Variants in TMC2 observed in about 807,000 individuals in gnomAD.
The protein encoded by TMC2 is transmembrane channel-like protein 2.
TMC2 carries 102 observed loss-of-function variants against 105.9 expected under a neutral mutation model. The observed-to-expected ratio is 0.96, with a 90% CI of 0.82 to 1.14. The LOEUF (loss-of-function observed/expected upper bound fraction) is 1.14, where lower values mean the gene tolerates loss of function less well. Among genes scored for constraint, TMC2 ranks in the 50% most tolerant of loss-of-function variants. TMC2 has a pLI of 0.00. For missense variants in TMC2, 1,093 were observed against 1,134.3 expected (o/e 0.96, Z 0.52); for synonymous variants, 402 against 422.8 (o/e 0.95, Z 0.60).
intron 19 of TMC2, among the ~76,000 whole-genome samples, chr20:2,638,245 G>A (rs899463487): frequency 6.6e-6 from 1 of 151,912 alleles, no homozygotes; most frequent in East Asian, 1.9e-4. Flanking sequence ...GGAGGCTGAG[G>A]CAGGAGAATG....
chr20:2,585,809 A>G (rs945290615), intron 7 of TMC2, among the ~76,000 whole-genome samples: 1 of 152,224 alleles, frequency 6.6e-6, no homozygotes, highest in Non-Finnish European at 1.5e-5. Context: ...TTCTCCCAGA[A>G]GGAGAGAATC....
At chr20:2,612,059 AAG>A in intron 12 of TMC2, 130 bp from the exon 13 acceptor site, 1 of 847,998 alleles carries the variant, frequency 1.2e-6, no homozygotes, top group Non-Finnish European at 1.7e-6. Context: ...GGAATTTTGG[AAG>A]GACTCTGTCC....
At chr20:2,605,556 G>A (rs1249919208) in intron 11 of TMC2, among the ~76,000 whole-genome samples, 1 of 152,110 alleles carries the variant, frequency 6.6e-6, no homozygotes, top group African/African-American at 2.4e-5. Context: ...CCACCCTTGT[G>A]ACCTCACTTA....
rs569415818 is a variant in TMC2 at position 2,606,767 on chromosome 20, T to G, written c.1414-3652T>G. ...AATCCTATTAACTTCTTTCTTCATA[T>G]ATTTTTTATTTTTAAAACTTTCCCC... On this transcript the variant is annotated intron_variant, in intron 11 of 19. Transcript: ENST00000358864. 3.3e-5 allele frequency among the ~76,000 whole-genome samples: 5 copies of G among 151,814 alleles called. No individual in the cohort carries two copies. The South Asian group carries it at 1.0e-3, about 31-fold the overall frequency.
Position 2,579,381 on chromosome 20 carries a change from ATTT to A in TMC2, c.727+158_727+160del, listed in dbSNP as rs763353264. On this transcript the variant is annotated intron_variant, in intron 6 of 19. Coordinates refer to ENST00000358864, the MANE Select transcript of TMC2 (RefSeq NM_080751.3). ...TTTTGAACTTGTCAGGCCAAGATTTATTTTTTATTTATTTATTTATTTATTTAT... is the reference window on the plus strand; with the variant it reads ...TTTTGAACTTGTCAGGCCAAGATTTATTTATTTATTTATTTATTTATTTAT... 4.7e-3 allele frequency among the ~76,000 whole-genome samples: 689 copies of A among 147,984 alleles called. 4 individuals carry two copies. The highest frequency in any genetic ancestry group is 0.015 in the African/African-American group (590 of 40,134).
intron 16 of TMC2, among the ~76,000 whole-genome samples, chr20:2,621,900 A>C (rs1050142097): frequency 1.2e-4 from 19 of 152,222 alleles, no homozygotes; most frequent in Admixed American, 1.2e-3. Context: ...CAGCGTGACA[A>C]ACAGCAGGCA....
intron 4 of TMC2, 61 bp downstream of exon 4, chr20:2,562,071 G>T: frequency 6.4e-7 from 1 of 1,550,828 alleles, no homozygotes; most frequent in South Asian, 1.2e-5. Flanking sequence ...TGATGGGAAT[G>T]GGAGCCCTCC....
intron 4 of TMC2, among the ~76,000 whole-genome samples, chr20:2,564,275 C>T (rs961027739): frequency 2.0e-5 from 3 of 151,352 alleles, no homozygotes; most frequent in Admixed American, 1.3e-4. Context: ...CTCAGCCTGC[C>T]GAGTAGCTGG....
At chr20:2,588,021 C>CA (rs1491463671) in intron 7 of TMC2, among the ~76,000 whole-genome samples, 1 of 151,496 alleles carries the variant, frequency 6.6e-6, no homozygotes, top group African/African-American at 2.4e-5. Context: ...ATCCCCCCCC[C>CA]CTTTGAGTAT....
chr20:2,608,133 A>AG (rs2086407367), intron 11 of TMC2, among the ~76,000 whole-genome samples: 1 of 147,744 alleles, frequency 6.8e-6, no homozygotes. Context: ...AAAAAAAAAA[A>AG]AAAGAAAAAA....
chr20:2,635,799 G>T, intron 17 of TMC2, 127 bp from the exon 18 acceptor site: 1 of 730,078 alleles, frequency 1.4e-6, no homozygotes, highest in Non-Finnish European at 2.4e-6. Context: ...AAAGAAGATG[G>T]TAGGACACCC....
chr20:2,605,074 G>A (rs547283387), intron 11 of TMC2, among the ~76,000 whole-genome samples: 1 of 152,206 alleles, frequency 6.6e-6, no homozygotes, highest in Non-Finnish European at 1.5e-5. Flanking sequence ...CAAAGTGGGG[G>A]CAGGCTTGTG....
At chr20:2,597,498 T>G (rs2086317423) in intron 10 of TMC2, among the ~76,000 whole-genome samples, 200 bp downstream of exon 10, 1 of 152,170 alleles carries the variant, frequency 6.6e-6, no homozygotes, top group African/African-American at 2.4e-5. Flanking sequence ...TCTTTTCTTT[T>G]CTTTTTGAGA....
intron 4 of TMC2, among the ~76,000 whole-genome samples, chr20:2,570,886 A>G (rs1199558030): frequency 6.6e-6 from 1 of 152,186 alleles, no homozygotes; most frequent in African/African-American, 2.4e-5. Context: ...ATCAACAAAA[A>G]ACAAGCAATG....
chr20:2,567,024 C>G (rs2086068993), intron 4 of TMC2, among the ~76,000 whole-genome samples: 1 of 152,240 alleles, frequency 6.6e-6, no homozygotes, highest in Admixed American at 6.5e-5. Context: ...GCCTGGATAC[C>G]CACCTTTGCC....
intron 2 of TMC2, among the ~76,000 whole-genome samples, chr20:2,552,508 A>G (rs939469953): frequency 5.3e-5 from 8 of 152,092 alleles, no homozygotes; most frequent in African/African-American, 1.9e-4. Context: ...AGATTTATAT[A>G]TAAGTTTCAT....
chr20:2,551,320 T>G (rs1158671107), intron 2 of TMC2, among the ~76,000 whole-genome samples: 1 of 151,998 alleles, frequency 6.6e-6, no homozygotes, highest in Non-Finnish European at 1.5e-5. Context: ...GTTTTCTTAT[T>G]CTTGAGTTTT....
intron 17 of TMC2, among the ~76,000 whole-genome samples, chr20:2,633,996 C>T (rs2086623714): frequency 6.6e-6 from 1 of 152,230 alleles, no homozygotes; most frequent in Non-Finnish European, 1.5e-5. Context: ...GAACTTTAGC[C>T]TTGGATGGGC....
intron 7 of TMC2, among the ~76,000 whole-genome samples, chr20:2,585,241 C>A (rs1476103206): frequency 2.0e-5 from 3 of 152,056 alleles, no homozygotes; most frequent in Non-Finnish European, 4.4e-5. Context: ...ATCCATTCAC[C>A]AGCTCATGGA....
Sources: gnomAD v4.1 joint callset for allele counts (sites outside exome capture counted in the v4.1 genomes callset) on GRCh38, gnomAD v4.1.1 for gene constraint, MANE v1.5 for transcripts, NCBI Gene and HGNC (gene_info 2026-07-23, HGNC 2026-07-21) for gene names.